The following RUNDC3B variants were observed in gnomAD, a reference collection of about 807,000 sequenced individuals.
RUNDC3B encodes the protein RUN domain containing 3B.
A neutral mutation model predicts 58.4 loss-of-function variants in RUNDC3B; 33 were observed. The ratio of observed to expected loss-of-function variants is 0.56; its 90% CI spans 0.43 to 0.75. The LOEUF (loss-of-function observed/expected upper bound fraction) is 0.75. RUNDC3B is among the 30% of genes least tolerant of loss of function. The pLI, the probability that RUNDC3B is intolerant of heterozygous loss-of-function variation, is 0.00. For missense variants in RUNDC3B, 501 were observed against 535.7 expected (o/e 0.94, Z 0.64); for synonymous variants, 193 against 195.2 (o/e 0.99, Z 0.10).
chr7:87,768,711 G>A (rs554762663), intron 6 of RUNDC3B, among the ~76,000 whole-genome samples: 1 of 152,198 alleles, frequency 6.6e-6, no homozygotes, highest in Non-Finnish European at 1.5e-5. Flanking sequence ...TTCCTTAATG[G>A]TCAGTCTCTC....
chr7:87,643,747 G>T (rs1339935976), intron 1 of RUNDC3B, among the ~76,000 whole-genome samples: 2 of 151,044 alleles, frequency 1.3e-5, no homozygotes, highest in Non-Finnish European at 1.5e-5. Flanking sequence ...GGCTAGTCTC[G>T]AACTCCTGAG....
chr7:87,663,499 T>G (rs1824922682), intron 2 of RUNDC3B, among the ~76,000 whole-genome samples: 2 of 152,162 alleles, frequency 1.3e-5, no homozygotes, highest in Admixed American at 6.6e-5. Flanking sequence ...ACCTTTTTAT[T>G]TTCAGTAAAT....
chr7:87,668,367 G>A (rs1027653944), intron 2 of RUNDC3B, among the ~76,000 whole-genome samples: 6 of 151,644 alleles, frequency 4.0e-5, no homozygotes, highest in Non-Finnish European at 7.4e-5. Flanking sequence ...TTTATTTGGA[G>A]CTTTTCTTCC....
At chr7:87,720,511 A>C (rs1266632335) in intron 4 of RUNDC3B, among the ~76,000 whole-genome samples, 1 of 151,364 alleles carries the variant, frequency 6.6e-6, no homozygotes, top group African/African-American at 2.4e-5. Flanking sequence ...AAAAGATAGG[A>C]TATCACAAAT....
chr7:87,811,003 T>C (rs1417013351), intron 9 of RUNDC3B, among the ~76,000 whole-genome samples: 1 of 152,204 alleles, frequency 6.6e-6, no homozygotes, highest in Non-Finnish European at 1.5e-5. Context: ...ACATGTTCCT[T>C]TAACACACAC....
intron 6 of RUNDC3B, among the ~76,000 whole-genome samples, chr7:87,754,820 A>G (rs774736626): frequency 2.0e-5 from 3 of 152,044 alleles, no homozygotes; most frequent in Non-Finnish European, 4.4e-5. Flanking sequence ...TAGAAAACCT[A>G]CAGGAGATAG....
chr7:87,719,535 T>C (rs1830744172), intron 4 of RUNDC3B, among the ~76,000 whole-genome samples: 1 of 151,908 alleles, frequency 6.6e-6, no homozygotes, highest in African/African-American at 2.4e-5. Context: ...AGCTGTAGTA[T>C]AGGGGAAGAA....
At chr7:87,768,197 G>T (rs1834080208) in intron 6 of RUNDC3B, among the ~76,000 whole-genome samples, 1 of 152,124 alleles carries the variant, frequency 6.6e-6, no homozygotes, top group Non-Finnish European at 1.5e-5. Flanking sequence ...ACAGGAGAAG[G>T]GCACAGTCAC....
intron 6 of RUNDC3B, among the ~76,000 whole-genome samples, chr7:87,758,668 G>C (rs1256853123): frequency 2.6e-5 from 4 of 152,150 alleles, no homozygotes; most frequent in Non-Finnish European, 5.9e-5. Context: ...GTGTGCAAAA[G>C]ATCTAAATGG....
intron 5 of RUNDC3B, 118 bp downstream of exon 5, chr7:87,739,998 C>A: frequency 2.2e-6 from 1 of 455,182 alleles, no homozygotes; most frequent in Non-Finnish European, 3.9e-6. Flanking sequence ...TTATTTGATT[C>A]ATGTTGTTCT....
chr7:87,629,027 C>G, intron 1 of RUNDC3B, 82 bp downstream of exon 1: 3 of 1,222,244 alleles, frequency 2.5e-6, no homozygotes, highest in South Asian at 4.0e-5. Context: ...TTGGGGGTCC[C>G]GGGCATGATG....
intron 3 of RUNDC3B, among the ~76,000 whole-genome samples, chr7:87,703,382 A>G (rs751094680): frequency 2.0e-5 from 3 of 152,206 alleles, no homozygotes; most frequent in Non-Finnish European, 4.4e-5. Flanking sequence ...ATGTAGTGAC[A>G]TAATTAGAAA....
chr7:87,682,997 T>C (rs1272304270), intron 2 of RUNDC3B, among the ~76,000 whole-genome samples: 1 of 152,260 alleles, frequency 6.6e-6, no homozygotes, highest in African/African-American at 2.4e-5. Context: ...AGTTCAGTCT[T>C]CTGGATAAGT....
intron 6 of RUNDC3B, among the ~76,000 whole-genome samples, chr7:87,742,962 A>C (rs150850916): frequency 0.03 from 4,508 of 152,124 alleles, 64 homozygotes; most frequent in Middle Eastern, 0.048. Context: ...AAATACAAAA[A>C]AATTAGCCAG....
At chr7:87,686,352 T>C (rs977243868) in intron 2 of RUNDC3B, among the ~76,000 whole-genome samples, 2 of 152,178 alleles carry the variant, frequency 1.3e-5, no homozygotes, top group Non-Finnish European at 2.9e-5. Context: ...AATAGAAGTA[T>C]ATTAACGAGC....
chr7:87,807,268 C>T, intron 8 of RUNDC3B, 105 bp from the exon 9 acceptor site: 1 of 1,065,304 alleles, frequency 9.4e-7, no homozygotes, highest in South Asian at 1.5e-5. Flanking sequence ...TATTAACAAA[C>T]CAATTTTATA....
intron 2 of RUNDC3B, among the ~76,000 whole-genome samples, chr7:87,669,679 C>T (rs1825639318): frequency 6.6e-6 from 1 of 152,134 alleles, no homozygotes; most frequent in Admixed American, 6.5e-5. Context: ...TAATGGATTC[C>T]CTCAAGAGTT....
intron 2 of RUNDC3B, among the ~76,000 whole-genome samples, chr7:87,694,460 T>A (rs1246572215): frequency 6.6e-6 from 1 of 152,216 alleles, no homozygotes; most frequent in Admixed American, 6.5e-5. Flanking sequence ...ATGATCTAGC[T>A]TTCTGTATTT....
intron 2 of RUNDC3B, among the ~76,000 whole-genome samples, chr7:87,676,162 G>A (rs1411991862): frequency 6.6e-6 from 1 of 152,100 alleles, no homozygotes; most frequent in East Asian, 1.9e-4. Context: ...AGGAGTTTGA[G>A]GCTTCAGTGA....
Sources: gnomAD v4.1 joint callset for allele counts (sites outside exome capture counted in the v4.1 genomes callset) on GRCh38, gnomAD v4.1.1 for gene constraint, MANE v1.5 for transcripts, NCBI Gene and HGNC (gene_info 2026-07-23, HGNC 2026-07-21) for gene names.